LRMDA: variants seen among roughly 807,000 people sequenced by gnomAD.
LRMDA encodes the protein leucine rich melanocyte differentiation associated.
LRMDA carries 18 observed loss-of-function variants against 29.8 expected under a neutral mutation model. That is an observed-to-expected ratio of 0.60 (90% CI 0.42 to 0.90). The LOEUF is 0.90. LRMDA is among the 40% of genes least tolerant of loss of function. LRMDA has a pLI of 0.00. For missense variants in LRMDA, 273 were observed against 273.9 expected, an observed-to-expected ratio of 1.00 and a Z score of 0.02; for synonymous variants, 125 against 109.4, an observed-to-expected ratio of 1.14 and a Z score of -0.89.
chr10:75,436,072 AAAGAG>A (rs1844261049), intron 1 of LRMDA, among the ~76,000 whole-genome samples: 1 of 141,138 alleles, frequency 7.1e-6, no homozygotes. Context: ...AAAAAAAAAA[AAAGAG>A]AGAGAGAAAT....
At chr10:76,012,244 A>T (rs1847796443) in intron 2 of LRMDA, among the ~76,000 whole-genome samples, 1 of 152,162 alleles carries the variant, frequency 6.6e-6, no homozygotes, top group Non-Finnish European at 1.5e-5. Context: ...TTCCAACCAG[A>T]GTTTTCAGCC....
At chr10:75,924,121 T>C (rs1846076087) in intron 2 of LRMDA, among the ~76,000 whole-genome samples, 2 of 152,300 alleles carry the variant, frequency 1.3e-5, no homozygotes, top group Middle Eastern at 6.8e-3. Flanking sequence ...AATGTAACAA[T>C]TGAACAGATA....
At chr10:76,151,486 AC>A (rs1312602678) in intron 5 of LRMDA, among the ~76,000 whole-genome samples, 2 of 151,568 alleles carry the variant, frequency 1.3e-5, no homozygotes, top group African/African-American at 4.9e-5. Flanking sequence ...TAGAATGTAA[AC>A]CTCTTGTATC....
intron 2 of LRMDA, among the ~76,000 whole-genome samples, chr10:75,503,264 C>G (rs1303405394): frequency 2.0e-5 from 3 of 151,992 alleles, no homozygotes; most frequent in African/African-American, 7.3e-5. Flanking sequence ...GAATGTGAAG[C>G]CAGCTGACTT....
intron 5 of LRMDA, among the ~76,000 whole-genome samples, chr10:76,314,479 C>A (rs933160513): frequency 6.6e-6 from 1 of 152,182 alleles, no homozygotes; most frequent in Non-Finnish European, 1.5e-5. Context: ...CAGCATTTGC[C>A]AGTTTCTGCT....
intron 5 of LRMDA, among the ~76,000 whole-genome samples, chr10:76,122,319 C>A (rs1349292650): frequency 1.3e-5 from 2 of 151,916 alleles, no homozygotes; most frequent in Non-Finnish European, 2.9e-5. Context: ...TGTGTCCAGT[C>A]TCGGTGCCAG....
chr10:75,596,144 C>T (rs1214505825), intron 2 of LRMDA, among the ~76,000 whole-genome samples: 5 of 152,182 alleles, frequency 3.3e-5, no homozygotes, highest in Non-Finnish European at 7.3e-5. Context: ...ACAGGCATTT[C>T]ACCCACATAC....
In LRMDA at chr10:76,176,522, G is replaced by A. The variant is rs994573019; in HGVS notation, c.516+117739G>A. On this transcript the variant is annotated intron_variant, in intron 5 of 6. Coordinates refer to ENST00000611255, the MANE Select transcript of LRMDA (RefSeq NM_001305581.2). ...AAATTATAAATTGCCGGCTGGGCGC[G>A]GTGGCTCACGCCTGCAATCTCAGCA... 5.3e-5 allele frequency among the ~76,000 whole-genome samples: 8 copies of A among 152,306 alleles called. No homozygotes were observed. In the East Asian group the frequency reaches 1.5e-3, roughly 29 times the overall value.
chr10:76,298,865 GCAT>G (rs1328825158), intron 5 of LRMDA, among the ~76,000 whole-genome samples: 2 of 152,028 alleles, frequency 1.3e-5, no homozygotes, highest in Non-Finnish European at 2.9e-5. Flanking sequence ...ATTGTTTCTG[GCAT>G]CATGTTACTC....
intron 5 of LRMDA, among the ~76,000 whole-genome samples, chr10:76,068,091 T>G (rs981872656): frequency 6.6e-5 from 10 of 152,234 alleles, no homozygotes; most frequent in Admixed American, 2.6e-4. Flanking sequence ...TGCATGTATT[T>G]GCAATTCCAT....
At chr10:75,838,481 C>T (rs1426512662) in intron 2 of LRMDA, among the ~76,000 whole-genome samples, 2 of 152,026 alleles carry the variant, frequency 1.3e-5, no homozygotes, top group Admixed American at 6.6e-5. Flanking sequence ...CATATTTTTG[C>T]CAGCTTCGAA....
At chr10:76,017,180 C>T (rs569787469) in intron 2 of LRMDA, among the ~76,000 whole-genome samples, 44 of 152,308 alleles carry the variant, frequency 2.9e-4, no homozygotes, top group African/African-American at 1.0e-3. Flanking sequence ...GGGCGGACGC[C>T]GCATGAAGGC....
intron 2 of LRMDA, among the ~76,000 whole-genome samples, chr10:75,508,279 C>T (rs1255730468): frequency 2.0e-5 from 3 of 152,094 alleles, no homozygotes; most frequent in Non-Finnish European, 2.9e-5. Context: ...CCCCCTCTCC[C>T]TTCCACCATT....
At chr10:76,230,669 C>G (rs1263398328) in intron 5 of LRMDA, among the ~76,000 whole-genome samples, 1 of 151,984 alleles carries the variant, frequency 6.6e-6, no homozygotes, top group Non-Finnish European at 1.5e-5. Flanking sequence ...TTTATCTGAG[C>G]TGTCTTGCAA....
intron 2 of LRMDA, among the ~76,000 whole-genome samples, chr10:75,522,215 G>A (rs1379170741): frequency 6.6e-6 from 1 of 152,218 alleles, no homozygotes; most frequent in Non-Finnish European, 1.5e-5. Flanking sequence ...CTATCCTGAG[G>A]TAGCAGGTGG....
chr10:76,060,734 T>G (rs1848690413), intron 5 of LRMDA, among the ~76,000 whole-genome samples: 2 of 152,208 alleles, frequency 1.3e-5, no homozygotes, highest in Non-Finnish European at 2.9e-5. Flanking sequence ...AAATCCTTCC[T>G]TGCTTTTGAA....
At chr10:75,526,308 T>G (rs1256597761) in intron 2 of LRMDA, among the ~76,000 whole-genome samples, 1 of 152,032 alleles carries the variant, frequency 6.6e-6, no homozygotes, top group African/African-American at 2.4e-5. Flanking sequence ...CCAGCAATCC[T>G]CCTGCTTCAG....
chr10:75,837,419 C>A (rs898625880), intron 2 of LRMDA, among the ~76,000 whole-genome samples: 1 of 152,110 alleles, frequency 6.6e-6, no homozygotes, highest in African/African-American at 2.4e-5. Flanking sequence ...CAAACATTTT[C>A]ATGTTTGTCT....
At chr10:75,643,689 G>T (rs1260013309) in intron 2 of LRMDA, among the ~76,000 whole-genome samples, 2 of 152,054 alleles carry the variant, frequency 1.3e-5, no homozygotes, top group Non-Finnish European at 2.9e-5. Context: ...GGAGTTAATT[G>T]GTAAGACCTC....
Sources: allele counts gnomAD v4.1 joint callset (sites outside exome capture counted in the v4.1 genomes callset), GRCh38; gene constraint gnomAD v4.1.1; transcripts MANE v1.5; gene names NCBI Gene and HGNC (gene_info 2026-07-23, HGNC 2026-07-21).